The following FUT8 variants were observed in gnomAD, a reference collection of about 807,000 sequenced individuals.
FUT8 encodes fucosyltransferase 8.
FUT8 carries 29 observed loss-of-function variants against 71.3 expected under a neutral mutation model. The ratio of observed to expected loss-of-function variants is 0.41; its 90% confidence interval spans 0.30 to 0.55. The LOEUF (loss-of-function observed/expected upper bound fraction) is 0.55, where lower values mean the gene tolerates loss of function less well. Ranked by LOEUF, FUT8 falls within the 20% of genes least tolerant of loss-of-function variation. FUT8 has a pLI of 0.34. For missense variants in FUT8, 544 were observed against 702.1 expected, an observed-to-expected ratio of 0.77 and a Z score of 2.55; for synonymous variants, 254 against 239.3, an observed-to-expected ratio of 1.06 and a Z score of -0.57.
At chr14:65,710,888 A>G (rs907921376) in intron 7 of FUT8, among the ~76,000 whole-genome samples, 11 of 152,206 alleles carry the variant, frequency 7.2e-5, no homozygotes, top group African/African-American at 2.2e-4. Flanking sequence ...GCTTGCACTC[A>G]TGGCAGATGG....
intron 3 of FUT8, among the ~76,000 whole-genome samples, chr14:65,569,609 A>G (rs1406902658): frequency 2.6e-5 from 4 of 151,478 alleles, no homozygotes; most frequent in Non-Finnish European, 5.9e-5. Context: ...TGTCTTGTCC[A>G]TGTTTCTTTT....
chr14:65,549,513 CAT>C (rs1369905535), intron 2 of FUT8, among the ~76,000 whole-genome samples: 1 of 152,082 alleles, frequency 6.6e-6, no homozygotes, highest in Admixed American at 6.6e-5. Context: ...CATGGTTAAA[CAT>C]ATTTTCAATG....
intron 1 of FUT8, among the ~76,000 whole-genome samples, chr14:65,423,688 G>A (rs190853213): frequency 6.6e-6 from 1 of 152,164 alleles, no homozygotes; most frequent in African/African-American, 2.4e-5. Flanking sequence ...CAAGCCATCC[G>A]TGGCTGGCAT....
chr14:65,378,837 GTTTTTTTTTTTTT>G, the FUT8 span, among the ~76,000 whole-genome samples: 20 of 66,848 alleles, frequency 3.0e-4, no homozygotes, highest in East Asian at 8.1e-3. Flanking sequence ...TCACAAGAAG[GTTTTTTTTTTTTT>G]TTTTTTTTTT....
intron 1 of FUT8, among the ~76,000 whole-genome samples, chr14:65,454,376 C>T (rs993249843): frequency 7.9e-5 from 12 of 152,120 alleles, no homozygotes; most frequent in African/African-American, 2.2e-4. Context: ...TTTGCAATCC[C>T]GGCACTTTGG....
At chr14:65,532,293 T>G (rs961828616) in intron 2 of FUT8, among the ~76,000 whole-genome samples, 1 of 152,184 alleles carries the variant, frequency 6.6e-6, no homozygotes, top group Non-Finnish European at 1.5e-5. Flanking sequence ...TGATTTTTTT[T>G]ACTTTTTAAT....
At chr14:65,703,691 T>C (rs1894425768) in intron 7 of FUT8, among the ~76,000 whole-genome samples, 1 of 152,194 alleles carries the variant, frequency 6.6e-6, no homozygotes, top group Admixed American at 6.5e-5. Flanking sequence ...CAGTCTGAGA[T>C]GGCAGCAAGA....
chr14:65,397,042 A>G, the FUT8 span, among the ~76,000 whole-genome samples: 3 of 152,180 alleles, frequency 2.0e-5, no homozygotes, highest in African/African-American at 7.2e-5. The surrounding 1 kb of genome is among the most constrained non-coding windows in gnomAD (Gnocchi z 4.2). Flanking sequence ...TCACAGTCCA[A>G]TGCCTATAGG....
chr14:65,626,991 T>G (rs942207907), intron 5 of FUT8, among the ~76,000 whole-genome samples: 1 of 152,222 alleles, frequency 6.6e-6, no homozygotes, highest in African/African-American at 2.4e-5. Context: ...AGATAAAAAT[T>G]ATCACCGTTA....
At chr14:65,561,798 G>A (rs1384538007) in intron 3 of FUT8, 32 bp downstream of exon 3, 1 of 1,554,210 alleles carries the variant, frequency 6.4e-7, no homozygotes, top group Non-Finnish European at 8.9e-7. Flanking sequence ...GAAGAATGAT[G>A]AAATATTGTA....
chr14:65,376,585 A>AT, the FUT8 span, among the ~76,000 whole-genome samples: 11 of 117,268 alleles, frequency 9.4e-5, 3 homozygotes. Flanking sequence ...TAGTTTTTGT[A>AT]TTTTTTAGTA....
At position 65,669,501 on chromosome 14, in the gene FUT8, A is replaced by G. The variant is rs74058554; in HGVS notation, c.835+21A>G. 2.4e-3 allele frequency: 3,649 copies of G among 1,535,300 alleles called. 21 individuals carry two copies. The African/African-American group carries it at 0.024, about 10-fold the overall frequency. On this transcript the variant is annotated intron_variant, in intron 7 of 10. Coordinates refer to ENST00000673929, the MANE Select transcript of FUT8 (RefSeq NM_001371533.1). The surrounding 1 kb of genome is among the most constrained non-coding windows in gnomAD (Gnocchi z 4.5). ...GTCAGGTAAGGAGCTTGTGCAGCAT[A>G]TGAGATCTCTGGGCTGTTTCACTCA...
rs1050356932 is a variant in FUT8 at position 65,587,514 on chromosome 14, A to ATG, written c.203+25756_203+25757dup. 2.0e-5 allele frequency among the ~76,000 whole-genome samples: 3 copies of ATG among 152,336 alleles called. No homozygotes were observed. The East Asian group carries it at 5.8e-4, about 29-fold the overall frequency. ...GTGTGTCACAAAGAGAACAAATAGT[A>ATG]TGTGTGTGTATAGGCTGAAAAATTT... On this transcript the variant is annotated intron_variant, in intron 3 of 10. Coordinates refer to ENST00000673929, the MANE Select transcript of FUT8 (RefSeq NM_001371533.1).
At chr14:65,733,448 T>A in intron 10 of FUT8, 67 bp downstream of exon 10, 1 of 1,194,156 alleles carries the variant, frequency 8.4e-7, no homozygotes, top group Middle Eastern at 2.0e-4. Flanking sequence ...AGAAAAATTA[T>A]TTGTGTGTCT....
intron 1 of FUT8, among the ~76,000 whole-genome samples, chr14:65,446,183 T>G (rs2139513482): frequency 6.6e-6 from 1 of 152,358 alleles, no homozygotes; most frequent in South Asian, 2.1e-4. Context: ...TCTCTTTTTC[T>G]TACAAGTTAG....
chr14:65,679,745 C>A (rs1454555911), intron 7 of FUT8, among the ~76,000 whole-genome samples: 1 of 152,050 alleles, frequency 6.6e-6, no homozygotes, highest in Non-Finnish European at 1.5e-5. Context: ...TTTTTACTGC[C>A]CATATTATCA....
At chr14:65,533,138 C>G (rs1884067949) in intron 2 of FUT8, among the ~76,000 whole-genome samples, 1 of 152,080 alleles carries the variant, frequency 6.6e-6, no homozygotes, top group South Asian at 2.1e-4. Flanking sequence ...GCTATTTGGG[C>G]TGTTTTTTGG....
At chr14:65,403,195 G>C in the FUT8 span, among the ~76,000 whole-genome samples, 1 of 152,120 alleles carries the variant, frequency 6.6e-6, no homozygotes, top group African/African-American at 2.4e-5. Context: ...TCTGTTCTTA[G>C]GAGTATTATA....
intron 2 of FUT8, among the ~76,000 whole-genome samples, chr14:65,508,887 G>A (rs1882144847): frequency 6.6e-6 from 1 of 152,074 alleles, no homozygotes; most frequent in South Asian, 2.1e-4. Flanking sequence ...TTGTTTGTTT[G>A]TTGCTTGTTT....
Sources: gnomAD v4.1 joint callset for allele counts (sites outside exome capture counted in the v4.1 genomes callset) on GRCh38, gnomAD v4.1.1 for gene constraint, Gnocchi (gnomAD v3.1) non-coding constraint, MANE v1.5 for transcripts, NCBI Gene and HGNC (gene_info 2026-07-23, HGNC 2026-07-21) for gene names.